Variants in MAGEC3 observed in about 807,000 individuals in gnomAD.
The protein encoded by MAGEC3 is melanoma-associated antigen C3.
MAGEC3 carries 34 observed loss-of-function variants against 35.3 expected under a neutral mutation model. That is an observed-to-expected ratio of 0.96 (90% CI 0.73 to 1.28). MAGEC3 has a LOEUF of 1.28. Ranked by LOEUF, MAGEC3 falls within the 50% of genes most tolerant of loss-of-function variation. The probability of loss-of-function intolerance (pLI) is 0.00; values close to 1 mark genes in which losing one functional copy is unlikely to be tolerated. For synonymous variants in MAGEC3, 202 were observed against 185.6 expected (o/e 1.09, Z -0.72); for missense variants, 561 against 483.6 (o/e 1.16, Z -1.50).
chrX:141,861,215 A>T (rs982347445), intron 1 of MAGEC3, among the ~76,000 whole-genome samples: 3 of 110,974 alleles, frequency 2.7e-5, no homozygotes, highest in Non-Finnish European at 5.7e-5. Flanking sequence ...AAATTATGTC[A>T]TTAAAATGGA....
rs769380261 is a variant in MAGEC3 at position 141,841,574 on chromosome X, C to G, written c.123+3136C>G. On this transcript the variant is annotated intron_variant, in intron 1 of 7. Transcript: ENST00000298296. ...TATGTGTTTATTTTCTTTCTGCCCC[C>G]ACTAGCATAAAATATTATTGAGGGA... is the stretch of plus-strand genomic sequence containing the variant. 3.9e-4 allele frequency among the ~76,000 whole-genome samples: 44 copies of G among 111,676 alleles called. 1 individual carries two copies. Among genetic ancestry groups the G allele is most frequent in the Middle Eastern group, 4.7e-3 (1 of 215 alleles).
rs758541794 is a variant in MAGEC3 at position 141,881,537 on chromosome X, C to G, written c.650C>G (p.Thr217Arg). Residue 217 changes from threonine (T) to arginine (R), a missense_variant, in exon 4 of 8, where the codon ACA (threonine) becomes AGA (arginine). Coordinates refer to ENST00000298296, the MANE Select transcript of MAGEC3 (RefSeq NM_138702.1). Reference sequence around the variant, plus strand: ...GAGATGCAGATGAATGTCATCAACACATACACGGGCTACTTTCCTATGATC... The same window carrying G: ...GAGATGCAGATGAATGTCATCAACAGATACACGGGCTACTTTCCTATGATC... The part of the protein sequence containing the change: ...RAEMQMNVIN[T>R]YTGYFPMIFR... 4 of 1,209,888 alleles carry G rather than the reference C, an allele frequency of 3.3e-6. No individual in the cohort carries two copies. Among genetic ancestry groups the G allele is most frequent in the Non-Finnish European group, 4.5e-6 (4 of 895,175 alleles).
At chrX:141,880,576 G>T (rs2017955073) in intron 3 of MAGEC3, 1 of 356,749 alleles carries the variant, frequency 2.8e-6, no homozygotes. Context: ...GCACAGCAGA[G>T]GAGGCCCAGG....
intron 4 of MAGEC3, among the ~76,000 whole-genome samples, chrX:141,892,303 A>G (rs575182599): frequency 8.0e-5 from 9 of 111,872 alleles, no homozygotes; most frequent in African/African-American, 2.9e-4. Flanking sequence ...ACTTCCTAGA[A>G]TTCCAGTTTA....
chrX:141,870,269 G>A (rs1180039358), intron 2 of MAGEC3, among the ~76,000 whole-genome samples: 3 of 111,447 alleles, frequency 2.7e-5, no homozygotes, highest in South Asian at 3.7e-4. Flanking sequence ...TGCTAGTAAC[G>A]TTAACCTGAA....
intron 1 of MAGEC3, among the ~76,000 whole-genome samples, chrX:141,845,327 T>C (rs2017709919): frequency 9.0e-6 from 1 of 111,415 alleles, no homozygotes; most frequent in Non-Finnish European, 1.9e-5. Flanking sequence ...ATAGTCTTTA[T>C]GATGGTAGAA....
At chrX:141,891,772 T>G (rs1359327335) in intron 4 of MAGEC3, among the ~76,000 whole-genome samples, 2 of 106,959 alleles carry the variant, frequency 1.9e-5, no homozygotes, top group Non-Finnish European at 1.9e-5. Context: ...TAACAAAACA[T>G]GAGTAATGAC....
chrX:141,881,618 T>C lies in MAGEC3; in HGVS notation c.731T>C (p.Val244Ala), dbSNP rs948926407. The change falls in exon 4 of 8, where the codon GTG becomes GCG. Residue 244 changes from valine to alanine, a missense_variant. Physicochemically the swap from Val to Ala is moderately conservative, Grantham distance 64. Transcript: ENST00000298296. The part of the protein sequence containing the change: ...EILFGISLTE[V>A]DPDHFYVFVN... ...CTTTTTGGCATTTCCCTGACAGAAG[T>C]GGACCCCGACCATTTCTATGTCTTT... The C allele has an allele frequency of 2.5e-6, 3 of 1,209,702 alleles. No homozygotes were observed. Among genetic ancestry groups the C allele is most frequent in the African/African-American group, 3.5e-5 (2 of 57,046 alleles).
Position 141,881,473 on chromosome X carries a change from C to T in MAGEC3, c.586C>T (p.Leu196Phe), listed in dbSNP as rs1370979321. 1.7e-6 allele frequency: 2 copies of T among 1,210,787 alleles called. No homozygotes were observed. Among genetic ancestry groups the T allele is most frequent in the Non-Finnish European group, 1.1e-6 (1 of 895,105 alleles). ...EKVDKLVQFL[L>F]LKYQAKEPLT... ...GGTGGACAAGTTGGTGCAGTTTCTT[C>T]TCCTCAAATATCAAGCAAAAGAGCC... is the stretch of plus-strand genomic sequence containing the variant. Residue 196 changes from leucine to phenylalanine, a missense_variant, in exon 4 of 8, where the codon CTC becomes TTC. Transcript: ENST00000298296.
In MAGEC3 at chrX:141,881,885, G is replaced by A. The variant is rs1326829419; in HGVS notation, c.909+89G>A. ...GTGCAGGGACATTACCTGGAGTAGC[G>A]ACATGTGCCCAGTAGTGCTCCTCCA... On this transcript the variant is annotated intron_variant, in intron 4 of 7. Coordinates refer to ENST00000298296, the MANE Select transcript of MAGEC3 (RefSeq NM_138702.1). 3.2e-5 allele frequency: 35 copies of A among 1,093,854 alleles called. No homozygotes were observed. In the East Asian group the frequency reaches 7.5e-4, roughly 24 times the overall value. The allele number at this position is 1,093,854 out of a possible 1,213,427, so 90.1% of individuals were successfully genotyped here.
intron 2 of MAGEC3, among the ~76,000 whole-genome samples, chrX:141,876,210 G>T (rs1211028452): frequency 8.9e-6 from 1 of 111,980 alleles, no homozygotes; most frequent in Non-Finnish European, 1.9e-5. Flanking sequence ...ACCTGGTCAG[G>T]TTTCTGTCAT....
chrX:141,851,744 A>G (rs764069601), intron 1 of MAGEC3, among the ~76,000 whole-genome samples: 16 of 111,117 alleles, frequency 1.4e-4, no homozygotes, highest in South Asian at 3.8e-4. Flanking sequence ...TTGGCAATGA[A>G]TTGACCACAA....
chrX:141,859,728 T>C (rs923358769), intron 1 of MAGEC3, among the ~76,000 whole-genome samples: 4 of 110,618 alleles, frequency 3.6e-5, no homozygotes, highest in Admixed American at 9.6e-5. Flanking sequence ...TGACAGTGAG[T>C]TTTGGGGGTT....
intron 1 of MAGEC3, among the ~76,000 whole-genome samples, chrX:141,856,996 T>G (rs936512943): frequency 9.0e-6 from 1 of 111,507 alleles, no homozygotes; most frequent in African/African-American, 3.3e-5. Flanking sequence ...AGAAGTTCTT[T>G]GGAGAATTTC....
intron 1 of MAGEC3, among the ~76,000 whole-genome samples, chrX:141,854,939 A>G (rs746388948): frequency 8.9e-6 from 1 of 111,853 alleles, no homozygotes; most frequent in Non-Finnish European, 1.9e-5. Flanking sequence ...TTGTGCTCAC[A>G]TGGGAGTTAG....
intron 3 of MAGEC3, among the ~76,000 whole-genome samples, chrX:141,879,922 G>T (rs761044585): frequency 1.8e-5 from 2 of 111,088 alleles, no homozygotes; most frequent in Non-Finnish European, 1.9e-5. Context: ...GCTCTCTAGG[G>T]AATAAATAGG....
rs897743542 is a variant in MAGEC3 at position 141,863,393 on chromosome X, G to C, written c.124-2078G>C. 2.4e-4 allele frequency among the ~76,000 whole-genome samples: 27 copies of C among 111,364 alleles called. 1 individual carries two copies. Among genetic ancestry groups the C allele is most frequent in the African/African-American group, 8.5e-4 (26 of 30,628 alleles). On this transcript the variant is annotated intron_variant, in intron 1 of 7. Transcript: ENST00000298296. ...AACGATTCTATGTGATACTGTAAGA[G>C]TGGATACATGACATTATATATTTGT...
intron 1 of MAGEC3, among the ~76,000 whole-genome samples, chrX:141,850,176 C>T (rs755812976): frequency 4.5e-5 from 5 of 110,580 alleles, no homozygotes; most frequent in African/African-American, 6.6e-5. Flanking sequence ...AAACACTGTG[C>T]GCACATAGAC....
intron 4 of MAGEC3, among the ~76,000 whole-genome samples, chrX:141,885,839 G>A (rs1157500830): frequency 9.1e-6 from 1 of 110,205 alleles, no homozygotes; most frequent in Non-Finnish European, 1.9e-5. Flanking sequence ...GAGTGGATTA[G>A]TCATTTTAGA....
Sources: allele counts gnomAD v4.1 joint callset (sites outside exome capture counted in the v4.1 genomes callset), GRCh38; gene constraint gnomAD v4.1.1; transcripts MANE v1.5; gene names NCBI Gene and HGNC (gene_info 2026-07-23, HGNC 2026-07-21).